Variants in ERGIC1 observed in about 807,000 individuals in gnomAD.
ERGIC1 encodes the protein endoplasmic reticulum-golgi intermediate compartment 1.
In ERGIC1, 19 loss-of-function variants were observed where a neutral mutation model predicts 38.3. That is an observed-to-expected ratio of 0.50 (90% CI 0.35 to 0.73). The LOEUF (loss-of-function observed/expected upper bound fraction) is 0.73, where lower values mean the gene tolerates loss of function less well. ERGIC1 is among the 30% of genes least tolerant of loss of function. ERGIC1 has a pLI of 0.01. For synonymous variants in ERGIC1, 124 were observed against 157.6 expected (o/e 0.79, Z 1.60); for missense variants, 294 against 389.2 (o/e 0.76, Z 2.06).
At chr5:172,860,499 C>T (rs539685029) in intron 1 of ERGIC1, among the ~76,000 whole-genome samples, 1 of 152,342 alleles carries the variant, frequency 6.6e-6, no homozygotes, top group East Asian at 1.9e-4. Flanking sequence ...CCTCCTGGCT[C>T]CTGCATCTGC....
At chr5:172,867,051 A>G (rs766071349) in intron 1 of ERGIC1, 4 of 412,890 alleles carry the variant, frequency 9.7e-6, no homozygotes, top group Admixed American at 7.8e-5. Flanking sequence ...GCAGATGGAG[A>G]TGATGCAGAT....
At chr5:172,939,165 C>T (rs1763952443) in intron 9 of ERGIC1, among the ~76,000 whole-genome samples, 1 of 152,352 alleles carries the variant, frequency 6.6e-6, no homozygotes, top group East Asian at 1.9e-4. Context: ...TTCCGGCCCC[C>T]GTAGCAGGCA....
In ERGIC1 at chr5:172,893,895, A is replaced by ATGTGTGTGTGTGTGTG. The variant is rs1419709086; in HGVS notation, c.83-3106_83-3105insGTGTGTGTGTGTGTGT. On this transcript the variant is annotated intron_variant, in intron 2 of 9. Transcript: ENST00000393784. Reference sequence around the variant, plus strand: ...TATATATATATATATATATATATATATATATATATATGTGTGTGTGTGTGT... The same window carrying ATGTGTGTGTGTGTGTG: ...TATATATATATATATATATATATATATGTGTGTGTGTGTGTGTATATATATATGTGTGTGTGTGTGT... Among the ~76,000 whole-genome samples, 17 of 17,894 alleles carry ATGTGTGTGTGTGTGTG rather than the reference A, an allele frequency of 9.5e-4. 1 individual carries two copies. Among genetic ancestry groups the ATGTGTGTGTGTGTGTG allele is most frequent in the African/African-American group, 1.7e-3 (17 of 9,816 alleles). 11.7% of individuals were successfully genotyped at this position (17,894 alleles called of 152,430 possible). A position where few individuals can be genotyped will look rare whatever the true frequency, so the allele number is the denominator to read the frequency against.
intron 1 of ERGIC1, among the ~76,000 whole-genome samples, chr5:172,871,034 C>G (rs557253067): frequency 6.6e-6 from 1 of 152,344 alleles, no homozygotes; most frequent in African/African-American, 2.4e-5. Flanking sequence ...GGGAAGACAC[C>G]AATAGTATTA....
At position 172,914,815 on chromosome 5, in the gene ERGIC1, G is replaced by A. The variant is rs748805922; in HGVS notation, c.352G>A (p.Glu118Lys). Residue 118 changes from glutamate to lysine, a missense_variant, in exon 5 of 10, where the codon GAG (glutamate) becomes AAG (lysine). By Grantham distance (56) the Glu-to-Lys change is moderately conservative (BLOSUM62 1). Around this residue, in one of 3 missense-constraint regions of ERGIC1, gnomAD observed 163 missense variants for 225.8 expected, o/e 0.72. Coordinates refer to ENST00000393784, the MANE Select transcript of ERGIC1 (RefSeq NM_001031711.3). ...GAACAATGGGGCAGGCTGCCGCTTC[G>A]AGGGGCAGTTCAGCATCAACAAGGT... is the stretch of plus-strand genomic sequence containing the variant. ...PLNNGAGCRFEGQFSINKVPG... is the reference protein window; with the variant it reads ...PLNNGAGCRFKGQFSINKVPG... 6.8e-6 allele frequency: 11 copies of A among 1,614,040 alleles called. No homozygotes were observed. The highest frequency in any genetic ancestry group is 1.3e-5 in the African/African-American group (1 of 74,902).
chr5:172,921,051 G>A (rs933351938), intron 5 of ERGIC1, among the ~76,000 whole-genome samples: 2 of 152,326 alleles, frequency 1.3e-5, no homozygotes, highest in South Asian at 2.1e-4. Flanking sequence ...GGTTGGCTCC[G>A]ATGACAAACA....
At chr5:172,935,580 A>C in intron 9 of ERGIC1, 1 of 411,196 alleles carries the variant, frequency 2.4e-6, no homozygotes, top group Non-Finnish European at 4.5e-6. Context: ...AAATCTCCAT[A>C]TGGTTCCACT....
intron 2 of ERGIC1, among the ~76,000 whole-genome samples, chr5:172,894,195 C>CTTTTTT (rs34730943): frequency 2.8e-5 from 1 of 35,732 alleles, no homozygotes; most frequent in African/African-American, 1.3e-4. Flanking sequence ...ACAACTTTTT[C>CTTTTTT]TTTTTTTTTT....
At chr5:172,945,955 G>A (rs1246853418) in intron 9 of ERGIC1, among the ~76,000 whole-genome samples, 2 of 152,180 alleles carry the variant, frequency 1.3e-5, no homozygotes, top group Non-Finnish European at 2.9e-5. Context: ...AAGTGCAGGG[G>A]TTGCAGGCAT....
chr5:172,884,394 ACC>A (rs1762366655), intron 1 of ERGIC1, among the ~76,000 whole-genome samples: 1 of 151,692 alleles, frequency 6.6e-6, no homozygotes, highest in Non-Finnish European at 1.5e-5. Context: ...GGCACACACC[ACC>A]ACGCCCAACT....
At chr5:172,899,230 G>A (rs1380060323) in intron 3 of ERGIC1, among the ~76,000 whole-genome samples, 4 of 151,924 alleles carry the variant, frequency 2.6e-5, no homozygotes, top group East Asian at 1.9e-4. Flanking sequence ...AAGTGAGCAA[G>A]CGGAGAGGGT....
chr5:172,841,410 T>C (rs1761157277), intron 1 of ERGIC1, among the ~76,000 whole-genome samples: 1 of 152,218 alleles, frequency 6.6e-6, no homozygotes, highest in Non-Finnish European at 1.5e-5. Context: ...AAACAGCTGG[T>C]GCCTCTGACA....
intron 3 of ERGIC1, chr5:172,905,078 C>T (rs1762982977): frequency 6.3e-6 from 1 of 159,190 alleles, no homozygotes; most frequent in African/African-American, 2.4e-5. Context: ...TGGCGCCACA[C>T]CTGGGATTCA....
In ERGIC1 at chr5:172,834,645, A is replaced by T. The variant is rs1760990383; in HGVS notation, c.20+212A>T. Among the ~76,000 whole-genome samples the T allele has an allele frequency of 6.9e-6, 1 of 144,290 alleles. No individual in the cohort carries two copies. The allele number at this position is 144,290 out of a possible 152,430, so 94.7% of individuals were successfully genotyped here. A position where few individuals can be genotyped will look rare whatever the true frequency, so the allele number is the denominator to read the frequency against. On this transcript the variant is annotated intron_variant, in intron 1 of 9. Coordinates refer to ENST00000393784, the MANE Select transcript of ERGIC1 (RefSeq NM_001031711.3). This position sits in a 1 kb window ranked among gnomAD's most constrained non-coding sequence, Gnocchi z 4.1. ...AGGCCCCCTCGTGCAGCGGGAGACAAATCCACCCACCTTCCCTCCGCCGAG... is the reference window on the plus strand; with the variant it reads ...AGGCCCCCTCGTGCAGCGGGAGACATATCCACCCACCTTCCCTCCGCCGAG...
intron 1 of ERGIC1, among the ~76,000 whole-genome samples, chr5:172,886,972 C>T (rs1445911175): frequency 2.6e-5 from 4 of 152,194 alleles, no homozygotes; most frequent in Admixed American, 2.0e-4. Flanking sequence ...GCTTCTAGTA[C>T]CCTCAGGGGC....
rs145175370 is a variant in ERGIC1, at chr5:172,916,017, G to T, written c.375+1179G>T. 1.6e-3 allele frequency: 310 copies of T among 194,084 alleles called. 1 individual carries two copies. Among genetic ancestry groups the T allele is most frequent in the Non-Finnish European group, 2.4e-3 (224 of 92,526 alleles). The allele number at this position is 194,084 out of a possible 1,614,324, so 12.0% of individuals were successfully genotyped here. On this transcript the variant is annotated intron_variant, in intron 5 of 9. Transcript: ENST00000393784. ...AAAGTCAGAGGCTCTCACTACACTG[G>T]GTCCGTGTTCCCGCTATGACAATGA...
intron 3 of ERGIC1, among the ~76,000 whole-genome samples, chr5:172,903,179 T>G (rs568465725): frequency 6.6e-5 from 10 of 152,272 alleles, no homozygotes; most frequent in Admixed American, 3.9e-4. Flanking sequence ...CTCAGGCTCA[T>G]TCCACTGAAG....
intron 9 of ERGIC1, 133 bp from the exon 10 acceptor site, chr5:172,950,576 G>T (rs1398627076): frequency 1.5e-6 from 1 of 653,638 alleles, no homozygotes; most frequent in Non-Finnish European, 2.6e-6. Flanking sequence ...TGACTATGTA[G>T]TGGGTATTAT....
chr5:172,843,067 C>T (rs182443007), intron 1 of ERGIC1, among the ~76,000 whole-genome samples: 1 of 152,264 alleles, frequency 6.6e-6, no homozygotes, highest in East Asian at 1.9e-4. Flanking sequence ...TTGCTTGAAC[C>T]TCCGGGAGGC....
Sources: allele counts gnomAD v4.1 joint callset (sites outside exome capture counted in the v4.1 genomes callset), GRCh38; gene constraint gnomAD v4.1.1; regional missense constraint gnomAD v4.1.1; non-coding constraint Gnocchi (gnomAD v3.1); transcripts MANE v1.5; gene names NCBI Gene and HGNC (gene_info 2026-07-23, HGNC 2026-07-21).